DSCAML1: variants seen among roughly 807,000 people sequenced by gnomAD.
DSCAML1 encodes DS cell adhesion molecule like 1.
A neutral mutation model predicts 200.5 loss-of-function variants in DSCAML1; 38 were observed. The ratio of observed to expected loss-of-function variants is 0.19; its 90% CI spans 0.15 to 0.25. The LOEUF is 0.25. DSCAML1 is among the 10% of genes least tolerant of loss of function. DSCAML1 has a pLI of 1.00. For missense variants in DSCAML1, 2,223 were observed against 2,858.8 expected, an observed-to-expected ratio of 0.78 and a Z score of 5.07; for synonymous variants, 1,215 against 1,165.0, an observed-to-expected ratio of 1.04 and a Z score of -0.87.
At chr11:117,470,093 A>C (rs1156828718) in intron 15 of DSCAML1, 113 bp from the exon 16 acceptor site, 3 of 940,896 alleles carry the variant, frequency 3.2e-6, no homozygotes, top group Non-Finnish European at 3.0e-6. Flanking sequence ...GGAGAAGACT[A>C]AGCTCAGATG....
intron 3 of DSCAML1, among the ~76,000 whole-genome samples, chr11:117,591,393 C>A (rs1177251480): frequency 2.0e-5 from 3 of 152,174 alleles, no homozygotes; most frequent in African/African-American, 7.2e-5. Context: ...TTGATGAAAG[C>A]ACAATGTGAT....
chr11:117,718,675 C>CG (rs1348791958), intron 3 of DSCAML1, among the ~76,000 whole-genome samples: 3 of 82,016 alleles, frequency 3.7e-5, no homozygotes, highest in Non-Finnish European at 6.0e-5. Context: ...AAAACCCCCC[C>CG]CCCCCCCCAT....
chr11:117,742,619 G>A (rs1369716086), intron 3 of DSCAML1, among the ~76,000 whole-genome samples: 1 of 152,226 alleles, frequency 6.6e-6, no homozygotes, highest in Non-Finnish European at 1.5e-5. Flanking sequence ...TCAAGCTGGG[G>A]ACTTGGAGAG....
chr11:117,759,065 C>G (rs1456955544), intron 3 of DSCAML1, among the ~76,000 whole-genome samples: 1 of 152,172 alleles, frequency 6.6e-6, no homozygotes, highest in African/African-American at 2.4e-5. Flanking sequence ...TACTTCTAGA[C>G]CTTAGAGGAC....
chr11:117,478,530 C>T (rs923169631), intron 14 of DSCAML1, among the ~76,000 whole-genome samples: 4 of 152,224 alleles, frequency 2.6e-5, no homozygotes, highest in African/African-American at 9.6e-5. Flanking sequence ...CTTCCACTCA[C>T]ATTCATTCTT....
intron 3 of DSCAML1, among the ~76,000 whole-genome samples, chr11:117,725,639 C>T (rs1016646933): frequency 1.3e-5 from 2 of 149,760 alleles, no homozygotes; most frequent in Non-Finnish European, 3.0e-5. Context: ...AAGTACACCC[C>T]TCTTGCTGCC....
chr11:117,584,647 T>C (rs559402930), intron 3 of DSCAML1, among the ~76,000 whole-genome samples: 3 of 152,362 alleles, frequency 2.0e-5, no homozygotes, highest in South Asian at 4.1e-4. Context: ...AAATCAGGCA[T>C]GTGCATCACC....
In DSCAML1 at chr11:117,687,426, A is replaced by ATTTTTTTTTTTTTTTT. The variant is rs71037492; in HGVS notation, c.511+89349_511+89364dup. Among the ~76,000 whole-genome samples, 33 of 97,646 alleles carry ATTTTTTTTTTTTTTTT rather than the reference A, an allele frequency of 3.4e-4. 2 individuals carry two copies. The highest frequency in any genetic ancestry group is 1.1e-3 in the African/African-American group (26 of 24,306). 64.1% of individuals were successfully genotyped at this position (97,646 alleles called of 152,430 possible). A position where few individuals can be genotyped will look rare whatever the true frequency, so the allele number is the denominator to read the frequency against. On this transcript the variant is annotated intron_variant, in intron 3 of 32. Coordinates refer to ENST00000651296, the MANE Select transcript of DSCAML1 (RefSeq NM_020693.4). ...CAGGTGTGCTCCACCATGCCTGGCT[A>ATTTTTTTTTTTTTTTT]TTTTTTTTTTTTTTTTTTTTTTAGA...
Position 117,438,071 on chromosome 11 carries a change from T to C in DSCAML1, c.4256A>G (p.Gln1419Arg). The change falls in exon 25 of 33, where the codon CAG (glutamine) becomes CGG (arginine). Residue 1419 changes from glutamine (Q) to arginine (R), a missense_variant. Coordinates refer to ENST00000651296, the MANE Select transcript of DSCAML1 (RefSeq NM_020693.4). ...GGSSIRGFVL[Q>R]YSVDNSEEWK... ...CTCCTCGCTGTTGTCCACCGAGTAC[T>C]GTAGCACGAAGCCTGCGGAGGGTAG... 3 of 1,612,290 alleles carry C rather than the reference T, an allele frequency of 1.9e-6. No individual in the cohort carries two copies. The highest frequency in any genetic ancestry group is 2.5e-6 in the Non-Finnish European group (3 of 1,178,794).
intron 17 of DSCAML1, among the ~76,000 whole-genome samples, chr11:117,464,605 G>T (rs2048542232): frequency 6.6e-6 from 1 of 152,206 alleles, no homozygotes; most frequent in Admixed American, 6.5e-5. Flanking sequence ...AGAGAGAGGG[G>T]TTAGCGTGCC....
chr11:117,451,619 T>C (rs1592598194), intron 19 of DSCAML1, among the ~76,000 whole-genome samples: 1 of 151,296 alleles, frequency 6.6e-6, no homozygotes, highest in Non-Finnish European at 1.5e-5. Flanking sequence ...AGGTCAGGAG[T>C]TTGAGACCAG....
chr11:117,784,296 T>C (rs757963273), intron 1 of DSCAML1, among the ~76,000 whole-genome samples: 5 of 152,218 alleles, frequency 3.3e-5, no homozygotes, highest in Non-Finnish European at 7.3e-5. Context: ...ATTGGGTTCA[T>C]ATTTTACCAT....
chr11:117,699,028 T>C (rs900070436), intron 3 of DSCAML1, among the ~76,000 whole-genome samples: 1 of 152,240 alleles, frequency 6.6e-6, no homozygotes, highest in East Asian at 1.9e-4. Flanking sequence ...CAAGTCAGTA[T>C]GACTCACAGA....
intron 3 of DSCAML1, among the ~76,000 whole-genome samples, chr11:117,683,582 G>A (rs774067666): frequency 6.6e-6 from 1 of 152,230 alleles, no homozygotes; most frequent in East Asian, 1.9e-4. Context: ...CACACAGCTG[G>A]TGGATAAAAG....
chr11:117,631,665 C>T (rs890723256), intron 3 of DSCAML1, among the ~76,000 whole-genome samples: 1 of 152,182 alleles, frequency 6.6e-6, no homozygotes, highest in African/African-American at 2.4e-5. Context: ...TGAGCTTGTG[C>T]ATGTGCACAC....
chr11:117,751,570 C>T (rs2054605861), intron 3 of DSCAML1, among the ~76,000 whole-genome samples: 1 of 152,024 alleles, frequency 6.6e-6, no homozygotes, highest in East Asian at 1.9e-4. Context: ...AAGAAGGCAC[C>T]AGCTCTTTGG....
chr11:117,458,713 G>C (rs369486737), intron 19 of DSCAML1, 41 bp downstream of exon 19: 1 of 1,602,720 alleles, frequency 6.2e-7, no homozygotes, highest in Non-Finnish European at 8.5e-7. Flanking sequence ...TTAGCAGTGG[G>C]TGGCAGGGCC....
At chr11:117,529,746 G>T (rs1021362772) in intron 4 of DSCAML1, among the ~76,000 whole-genome samples, 1 of 151,704 alleles carries the variant, frequency 6.6e-6, no homozygotes, top group African/African-American at 2.4e-5. Flanking sequence ...ACATCTCAGC[G>T]GACACTCGTG....
intron 3 of DSCAML1, among the ~76,000 whole-genome samples, chr11:117,744,340 T>G (rs140430287): frequency 1.6e-3 from 249 of 152,300 alleles, no homozygotes; most frequent in African/African-American, 5.3e-3. Context: ...CTCTAAAACC[T>G]TAGTGCCTCC....
Sources: allele counts gnomAD v4.1 joint callset (sites outside exome capture counted in the v4.1 genomes callset), GRCh38; gene constraint gnomAD v4.1.1; transcripts MANE v1.5; gene names NCBI Gene and HGNC (gene_info 2026-07-23, HGNC 2026-07-21).